BTBD10: variants seen among roughly 807,000 people sequenced by gnomAD.
BTBD10 encodes the protein BTB/POZ domain-containing protein 10.
In BTBD10, 21 loss-of-function variants were observed where a neutral mutation model predicts 53.2. The ratio of observed to expected loss-of-function variants is 0.39; its 90% CI spans 0.28 to 0.57. The LOEUF is 0.57. Ranked by LOEUF, BTBD10 falls within the 20% of genes least tolerant of loss-of-function variation. BTBD10 has a pLI of 0.53. For synonymous variants in BTBD10, 149 were observed against 192.7 expected, an observed-to-expected ratio of 0.77 and a Z score of 1.88; for missense variants, 360 against 594.7, an observed-to-expected ratio of 0.61 and a Z score of 4.10.
chr11:13,443,768 C>T lies in BTBD10; in HGVS notation c.101+1256G>A, dbSNP rs540096219. Among the ~76,000 whole-genome samples the T allele has an allele frequency of 3.9e-5, 6 of 151,926 alleles. No individual in the cohort carries two copies. The East Asian group carries it at 1.2e-3, about 30-fold the overall frequency. The stretch of plus-strand genomic sequence containing the variant: ...CCGGCTAATTTTTGTATTTTTAGTA[C>T]AGACAGGGTTTTGTCACGTTGGCCA... On this transcript the variant is annotated intron_variant, in intron 2 of 8. Coordinates refer to ENST00000278174, the MANE Select transcript of BTBD10 (RefSeq NM_032320.7).
chr11:13,429,718 T>C (rs920723634), intron 2 of BTBD10, among the ~76,000 whole-genome samples: 1 of 151,832 alleles, frequency 6.6e-6, no homozygotes, highest in Non-Finnish European at 1.5e-5. Context: ...ACAGAACTTC[T>C]AGAAATAAAA....
chr11:13,455,301 G>A (rs530840178), intron 1 of BTBD10, among the ~76,000 whole-genome samples: 27 of 152,304 alleles, frequency 1.8e-4, no homozygotes, highest in African/African-American at 6.5e-4. Flanking sequence ...TTCCAGAGGT[G>A]ATTTGGATAT....
In BTBD10 at chr11:13,400,285, T is replaced by C. The variant is rs111308521; in HGVS notation, c.1117+2883A>G. On this transcript the variant is annotated intron_variant, in intron 8 of 8. Coordinates refer to ENST00000278174, the MANE Select transcript of BTBD10 (RefSeq NM_032320.7). ...CCCAGCCTCGCTGCCACCTTGCAGT[T>C]TGATCTCAGACTGCTGTGCTAGCAA... Among the ~76,000 whole-genome samples, 9 of 152,304 alleles carry C rather than the reference T, an allele frequency of 5.9e-5. 3 individuals are homozygous for C. The highest frequency in any genetic ancestry group is 2.2e-4 in the African/African-American group (9 of 41,574).
At chr11:13,399,352 TTG>T (rs1341658074) in intron 8 of BTBD10, among the ~76,000 whole-genome samples, 47 of 152,350 alleles carry the variant, frequency 3.1e-4, no homozygotes, top group African/African-American at 1.1e-3. Flanking sequence ...CTACTGAGGC[TTG>T]TGCATTCGTC....
At chr11:13,460,615 A>C (rs1388086580) in intron 1 of BTBD10, among the ~76,000 whole-genome samples, 4 of 152,194 alleles carry the variant, frequency 2.6e-5, no homozygotes, top group African/African-American at 7.2e-5. Flanking sequence ...AACACAAATC[A>C]ATCTTTTAAT....
intron 8 of BTBD10, among the ~76,000 whole-genome samples, chr11:13,394,731 T>A (rs1949496063): frequency 6.8e-6 from 1 of 147,444 alleles, no homozygotes; most frequent in Non-Finnish European, 1.5e-5. Context: ...TGTGTGATGT[T>A]GCCCTTCCTG....
intron 1 of BTBD10, among the ~76,000 whole-genome samples, chr11:13,450,335 T>C (rs80102263): frequency 0.018 from 2,793 of 152,284 alleles, 51 homozygotes; most frequent in Middle Eastern, 0.034. Context: ...CACTTGATAC[T>C]GGCAGACAAA....
intron 3 of BTBD10, among the ~76,000 whole-genome samples, chr11:13,420,326 T>TA (rs564858839): frequency 5.3e-5 from 8 of 151,966 alleles, no homozygotes; most frequent in Non-Finnish European, 8.8e-5. Flanking sequence ...TATTTTTTTT[T>TA]AATGATTTTT....
chr11:13,391,760 A>G (rs559107159), intron 8 of BTBD10, among the ~76,000 whole-genome samples: 1 of 152,350 alleles, frequency 6.6e-6, no homozygotes, highest in East Asian at 1.9e-4. Flanking sequence ...CCTGACCAAC[A>G]TGGTGAAACC....
intron 2 of BTBD10, among the ~76,000 whole-genome samples, chr11:13,433,574 G>A (rs1950492703): frequency 6.6e-6 from 1 of 152,118 alleles, no homozygotes; most frequent in African/African-American, 2.4e-5. Context: ...CTTTTTATAA[G>A]CATCGTTAAT....
In BTBD10 at chr11:13,395,611, C is replaced by A. The variant is rs200264157; in HGVS notation, c.1118-6470G>T. Among the ~76,000 whole-genome samples the A allele has an allele frequency of 1.5e-3, 226 of 152,270 alleles. 1 individual carries two copies. The East Asian group carries it at 0.021, about 14-fold the overall frequency. On this transcript the variant is annotated intron_variant, in intron 8 of 8. Transcript: ENST00000278174. Reference sequence around the variant, plus strand: ...TGGTGTTTTAGACATGAAGTCCTTGCCCATGCCTATGTCCTGATTGGTATT... The same window carrying A: ...TGGTGTTTTAGACATGAAGTCCTTGACCATGCCTATGTCCTGATTGGTATT...
chr11:13,450,857 T>C (rs2134047012), intron 1 of BTBD10, among the ~76,000 whole-genome samples: 1 of 152,242 alleles, frequency 6.6e-6, no homozygotes, highest in African/African-American at 2.4e-5. Context: ...AAAACAACTA[T>C]TTAAAAGCAC....
chr11:13,405,621 G>A, intron 7 of BTBD10, 38 bp downstream of exon 7: 1 of 1,604,300 alleles, frequency 6.2e-7, no homozygotes, highest in Non-Finnish European at 8.5e-7. Flanking sequence ...AATAATTCGT[G>A]ATGATTCAGG....
chr11:13,410,961 G>C (rs1949929120), intron 6 of BTBD10, among the ~76,000 whole-genome samples: 1 of 152,140 alleles, frequency 6.6e-6, no homozygotes, highest in Non-Finnish European at 1.5e-5. Context: ...CCAATGAAAA[G>C]CTCAAGTTTT....
At chr11:13,389,335 C>A (rs1413183446) in intron 8 of BTBD10, among the ~76,000 whole-genome samples, 194 bp from the exon 9 acceptor site, 1 of 150,858 alleles carries the variant, frequency 6.6e-6, no homozygotes, top group Non-Finnish European at 1.5e-5. Flanking sequence ...TTCATAAAAT[C>A]TTCTATCATT....
chr11:13,432,929 T>C (rs774492800), intron 2 of BTBD10, among the ~76,000 whole-genome samples: 1 of 151,956 alleles, frequency 6.6e-6, no homozygotes, highest in Admixed American at 6.6e-5. Context: ...GGAAATAATA[T>C]AAGAAAAATT....
intron 1 of BTBD10, among the ~76,000 whole-genome samples, chr11:13,461,640 A>G (rs1320421053): frequency 6.6e-6 from 1 of 152,214 alleles, no homozygotes; most frequent in Non-Finnish European, 1.5e-5. Context: ...AAAGAAGAAA[A>G]TTCAGACTGG....
intron 2 of BTBD10, among the ~76,000 whole-genome samples, chr11:13,437,366 G>GT (rs1950563622): frequency 6.6e-6 from 1 of 152,072 alleles, no homozygotes; most frequent in Non-Finnish European, 1.5e-5. Flanking sequence ...GTATCCTGGT[G>GT]TTTTTTAGGC....
chr11:13,454,727 A>G (rs989335102), intron 1 of BTBD10, among the ~76,000 whole-genome samples: 7 of 151,376 alleles, frequency 4.6e-5, no homozygotes, highest in African/African-American at 7.2e-5. Flanking sequence ...TTTAAAATTA[A>G]AAAGATTTTT....
Sources: gnomAD v4.1 joint callset for allele counts (sites outside exome capture counted in the v4.1 genomes callset) on GRCh38, gnomAD v4.1.1 for gene constraint, MANE v1.5 for transcripts, NCBI Gene and HGNC (gene_info 2026-07-23, HGNC 2026-07-21) for gene names.